Variants in MIR2052HG observed in about 807,000 individuals in gnomAD.
MIR2052HG encodes the protein MIR2052 host gene.
intron 4 of MIR2052HG, among the ~76,000 whole-genome samples, chr8:74,728,848 C>T (rs1416579031): frequency 1.3e-5 from 2 of 152,162 alleles, no homozygotes; most frequent in African/African-American, 4.8e-5. Context: ...CAAACATACA[C>T]TTCCTTCCCA....
chr8:74,705,279 T>G (rs1396186675), intron 4 of MIR2052HG, among the ~76,000 whole-genome samples: 1 of 152,106 alleles, frequency 6.6e-6, no homozygotes, highest in Non-Finnish European at 1.5e-5. Flanking sequence ...TTAAAATACT[T>G]TGCAGACATT....
chr8:74,683,666 T>G (rs553244227), intron 2 of MIR2052HG, among the ~76,000 whole-genome samples: 11 of 152,230 alleles, frequency 7.2e-5, no homozygotes, highest in African/African-American at 2.6e-4. Context: ...TTAACGTTTA[T>G]TTTTATGTTC....
intron 2 of MIR2052HG, among the ~76,000 whole-genome samples, chr8:74,628,226 C>T (rs923784058): frequency 6.6e-6 from 1 of 152,040 alleles, no homozygotes; most frequent in South Asian, 2.1e-4. Flanking sequence ...CCAAAGGAAA[C>T]GAAGCATCTG....
chr8:74,605,249 A>G (rs960266024), intron 1 of MIR2052HG, among the ~76,000 whole-genome samples: 1 of 152,196 alleles, frequency 6.6e-6, no homozygotes, highest in Non-Finnish European at 1.5e-5. Context: ...GAATTTTAAT[A>G]CTAATTAGCT....
At chr8:74,611,059 A>G (rs1223722390) in intron 1 of MIR2052HG, among the ~76,000 whole-genome samples, 1 of 152,106 alleles carries the variant, frequency 6.6e-6, no homozygotes, top group Non-Finnish European at 1.5e-5. Context: ...ACAGTCTGCT[A>G]GAAAATATTT....
intron 2 of MIR2052HG, among the ~76,000 whole-genome samples, chr8:74,693,044 A>G (rs536914743): frequency 6.3e-4 from 96 of 152,344 alleles, no homozygotes; most frequent in African/African-American, 2.3e-3. Flanking sequence ...TAATCTGTGA[A>G]CAAAGACATT....
chr8:74,660,797 A>G (rs1197805727), intron 2 of MIR2052HG, among the ~76,000 whole-genome samples: 1 of 139,880 alleles, frequency 7.1e-6, no homozygotes, highest in Non-Finnish European at 1.5e-5. Flanking sequence ...TATCTTCCTA[A>G]GAGCCCTGAA....
chr8:74,703,401 T>C (rs1417864688), intron 3 of MIR2052HG, among the ~76,000 whole-genome samples: 3 of 152,022 alleles, frequency 2.0e-5, no homozygotes, highest in Non-Finnish European at 4.4e-5. Flanking sequence ...GATTATGCAC[T>C]AGGGAATGGG....
At chr8:74,720,808 A>G (rs1371372975) in intron 4 of MIR2052HG, among the ~76,000 whole-genome samples, 1 of 152,140 alleles carries the variant, frequency 6.6e-6, no homozygotes, top group East Asian at 1.9e-4. Context: ...GCCTTTTACC[A>G]TCATGGCGGA....
At chr8:74,699,456 G>A (rs925174364) in intron 2 of MIR2052HG, among the ~76,000 whole-genome samples, 2 of 151,514 alleles carry the variant, frequency 1.3e-5, no homozygotes, top group Non-Finnish European at 1.5e-5. Context: ...ATCATACTCA[G>A]TCATAAAAAG....
At chr8:74,628,380 C>T (rs1184030438) in intron 2 of MIR2052HG, among the ~76,000 whole-genome samples, 1 of 152,096 alleles carries the variant, frequency 6.6e-6, no homozygotes, top group African/African-American at 2.4e-5. Context: ...ATCTCTAAGT[C>T]CAGGTTAAAA....
At chr8:74,621,043 C>CCAGACCCCAGAA (rs1808354589) in intron 2 of MIR2052HG, among the ~76,000 whole-genome samples, 1 of 152,224 alleles carries the variant, frequency 6.6e-6, no homozygotes, top group Non-Finnish European at 1.5e-5. Flanking sequence ...CCACCATTCT[C>CCAGACCCCAGAA]TTTGCATAGC....
chr8:74,622,002 T>A (rs183682685), intron 2 of MIR2052HG, among the ~76,000 whole-genome samples: 74 of 152,290 alleles, frequency 4.9e-4, no homozygotes, highest in Middle Eastern at 3.4e-3. Flanking sequence ...AATGATTTTT[T>A]TTGGGTATGA....
chr8:74,751,371 TAAAAG>T (rs1367447301), intron 4 of MIR2052HG, among the ~76,000 whole-genome samples: 2 of 152,202 alleles, frequency 1.3e-5, no homozygotes, highest in African/African-American at 2.4e-5. Context: ...TGGAAAGCCT[TAAAAG>T]AAAATATGTG....
chr8:74,612,783 G>C (rs916955902), intron 1 of MIR2052HG: 1 of 424,002 alleles, frequency 2.4e-6, no homozygotes, highest in African/African-American at 2.1e-5. Flanking sequence ...CTTTCTTCAT[G>C]TGAGTGTAGT....
intron 1 of MIR2052HG, among the ~76,000 whole-genome samples, chr8:74,600,163 T>G (rs1807971736): frequency 6.6e-6 from 1 of 152,148 alleles, no homozygotes; most frequent in Non-Finnish European, 1.5e-5. Flanking sequence ...GTACCTCAGT[T>G]GGAAATGCAG....
intron 4 of MIR2052HG, among the ~76,000 whole-genome samples, chr8:74,713,795 A>G (rs1809494058): frequency 6.6e-6 from 1 of 152,196 alleles, no homozygotes; most frequent in African/African-American, 2.4e-5. Context: ...TAACAAAAAA[A>G]CAAAATTTAA....
chr8:74,619,982 G>A (rs1184790108), intron 2 of MIR2052HG, among the ~76,000 whole-genome samples: 1 of 152,154 alleles, frequency 6.6e-6, no homozygotes, highest in East Asian at 1.9e-4. Context: ...AAGCAAGTTA[G>A]TTACTTCCTA....
chr8:74,675,585 G>T (rs1809042314), intron 2 of MIR2052HG, among the ~76,000 whole-genome samples: 1 of 151,980 alleles, frequency 6.6e-6, no homozygotes, highest in South Asian at 2.1e-4. Context: ...ATGATGTGAA[G>T]TTGAAAAATC....
Sources: gnomAD v4.1 joint callset for allele counts (sites outside exome capture counted in the v4.1 genomes callset) on GRCh38, gnomAD v4.1.1 for gene constraint, MANE v1.5 for transcripts, NCBI Gene and HGNC (gene_info 2026-07-23, HGNC 2026-07-21) for gene names.